The following CACNG4 variants were observed in gnomAD, a reference collection of about 807,000 sequenced individuals.
CACNG4 encodes calcium voltage-gated channel auxiliary subunit gamma 4.
A neutral mutation model predicts 22.9 loss-of-function variants in CACNG4; 8 were observed. The observed-to-expected ratio is 0.35, with a 90% CI of 0.21 to 0.63. The LOEUF (loss-of-function observed/expected upper bound fraction) is 0.63. CACNG4 is among the 30% of genes least tolerant of loss of function. The pLI is 0.72. For missense variants in CACNG4, 357 were observed against 455.4 expected (o/e 0.78, Z 1.97); for synonymous variants, 188 against 191.9 (o/e 0.98, Z 0.17).
At position 67,030,479 on chromosome 17, in the gene CACNG4, C is replaced by A; in HGVS notation, c.459C>A (p.Ile153=). The A allele has an allele frequency of 2.5e-6, 4 of 1,613,692 alleles. No homozygotes were observed. Among genetic ancestry groups the A allele is most frequent in the Non-Finnish European group, 2.5e-6 (3 of 1,179,730 alleles). ...ILFVAAGLSN[I]IGIIVYISSN... ...CTTCCCTTTCAGGCCTCAGTAACAT[C>A]ATCGGTATCATCGTCTACATTTCCA... The change falls in exon 4 of 4, where the codon ATC becomes ATA. Residue 153 remains isoleucine, a synonymous_variant. Transcript: ENST00000262138. This position sits in a 1 kb window ranked among gnomAD's most constrained non-coding sequence, Gnocchi z 6.4.
chr17:66,967,919 A>G (rs1303913206), intron 1 of CACNG4, among the ~76,000 whole-genome samples: 1 of 152,196 alleles, frequency 6.6e-6, no homozygotes, highest in East Asian at 1.9e-4. Context: ...TGTTGCTCCC[A>G]GCTTCACAGG....
intron 1 of CACNG4, among the ~76,000 whole-genome samples, chr17:66,973,764 G>T (rs2035219081): frequency 6.6e-6 from 1 of 152,106 alleles, no homozygotes. Context: ...CATGGGCTTG[G>T]TCTCCTGGGA....
At chr17:66,975,663 G>A (rs1159777684) in intron 1 of CACNG4, among the ~76,000 whole-genome samples, 1 of 152,066 alleles carries the variant, frequency 6.6e-6, no homozygotes, top group Non-Finnish European at 1.5e-5. Context: ...CCCAAATTTT[G>A]TAAGCTGCCC....
At chr17:67,007,536 TC>T (rs1008153716) in intron 1 of CACNG4, among the ~76,000 whole-genome samples, 3 of 152,056 alleles carry the variant, frequency 2.0e-5, no homozygotes, top group African/African-American at 7.2e-5. Flanking sequence ...TAAAAATATT[TC>T]CCCCATTTTC....
rs554791710 is a variant in CACNG4, at chr17:66,982,131, T to C, written c.220+17000T>C. ...ACGGACCCAAAGAGTGAGCAGCAGCTAGATTTACTGTGAAGAGTGAAAGAA... is the reference window on the plus strand; with the variant it reads ...ACGGACCCAAAGAGTGAGCAGCAGCCAGATTTACTGTGAAGAGTGAAAGAA... On this transcript the variant is annotated intron_variant, in intron 1 of 3. Coordinates refer to ENST00000262138, the MANE Select transcript of CACNG4 (RefSeq NM_014405.4). Among the ~76,000 whole-genome samples, 10 of 152,300 alleles carry C rather than the reference T, an allele frequency of 6.6e-5. No individual in the cohort carries two copies. The South Asian group carries it at 2.1e-3, about 32-fold the overall frequency.
In CACNG4 at chr17:67,018,071, C is replaced by T. The variant is rs1456760891; in HGVS notation, c.221-118C>T. Reference sequence around the variant, plus strand: ...TGGAACGCTGGAGCCTGCCTTTCTTCTCTGTCTGTCCCCAGGACCTGCACA... The same window carrying T: ...TGGAACGCTGGAGCCTGCCTTTCTTTTCTGTCTGTCCCCAGGACCTGCACA... On this transcript the variant is annotated intron_variant, in intron 1 of 3. Coordinates refer to ENST00000262138, the MANE Select transcript of CACNG4 (RefSeq NM_014405.4). 6.8e-6 allele frequency: 5 copies of T among 739,380 alleles called. No individual in the cohort carries two copies. In the Admixed American group the frequency reaches 1.1e-4, roughly 16 times the overall value. 45.8% of individuals were successfully genotyped at this position (739,380 alleles called of 1,614,324 possible).
In CACNG4 at chr17:66,974,595, G is replaced by A. The variant is rs78230672; in HGVS notation, c.220+9464G>A. On this transcript the variant is annotated intron_variant, in intron 1 of 3. Coordinates refer to ENST00000262138, the MANE Select transcript of CACNG4 (RefSeq NM_014405.4). ...GCACATATCTATGGATGCCCCCCGC[G>A]CAGAGTGCTCGTTAGGGTACCTCTG... Among the ~76,000 whole-genome samples the A allele has an allele frequency of 6.0e-3, 919 of 152,290 alleles. 9 individuals are homozygous for A. Among genetic ancestry groups the A allele is most frequent in the African/African-American group, 0.021 (880 of 41,560 alleles).
At chr17:66,983,462 A>G (rs2035288370) in intron 1 of CACNG4, among the ~76,000 whole-genome samples, 1 of 152,130 alleles carries the variant, frequency 6.6e-6, no homozygotes, top group Admixed American at 6.5e-5. Context: ...ATGGGAAGAG[A>G]GCAGGACCCG....
At chr17:66,988,216 C>T (rs1009816531) in intron 1 of CACNG4, among the ~76,000 whole-genome samples, 2 of 152,138 alleles carry the variant, frequency 1.3e-5, no homozygotes, top group African/African-American at 4.8e-5. Context: ...CTGCCTGGAG[C>T]TCATCCTGTC....
intron 1 of CACNG4, among the ~76,000 whole-genome samples, chr17:66,999,330 C>T (rs2035393690): frequency 6.6e-6 from 1 of 152,096 alleles, no homozygotes; most frequent in Non-Finnish European, 1.5e-5. Flanking sequence ...GGAATAGCTC[C>T]CTGACCCCAG....
At chr17:66,976,437 A>AACTTCCACCCTCCTCCCTCC (rs1201626589) in intron 1 of CACNG4, among the ~76,000 whole-genome samples, 6 of 121,290 alleles carry the variant, frequency 4.9e-5, no homozygotes, top group Non-Finnish European at 1.0e-4. Flanking sequence ...CCCTCTCTCT[A>AACTTCCACCCTCCTCCCTCC]ACTTCCACCC....
chr17:67,009,629 A>G (rs1268649752), intron 1 of CACNG4, among the ~76,000 whole-genome samples: 1 of 152,190 alleles, frequency 6.6e-6, no homozygotes. Flanking sequence ...GGCTTACAAT[A>G]CAACAGAAAT....
Position 67,024,903 on chromosome 17 carries a change from C to A in CACNG4, c.348C>A (p.Ile116=). 1.9e-6 allele frequency: 3 copies of A among 1,604,376 alleles called. No individual in the cohort carries two copies. The highest frequency in any genetic ancestry group is 2.5e-6 in the Non-Finnish European group (3 of 1,176,970). ...ASSVFPILST[I]LLLLGGLCIG... ...GCGTCTTCCCCATCCTCAGCACCAT[C>A]CTGCTCCTGCTGGGTGGCCTGTGCA... The change falls in exon 3 of 4, where the codon ATC becomes ATA. Residue 116 remains isoleucine (I), a synonymous_variant. Transcript: ENST00000262138.
intron 1 of CACNG4, among the ~76,000 whole-genome samples, chr17:66,993,007 G>A (rs1009227864): frequency 1.3e-5 from 2 of 152,236 alleles, no homozygotes; most frequent in Non-Finnish European, 2.9e-5. Context: ...TGCACCTAGC[G>A]TGCGCTGTGT....
chr17:67,008,537 TG>T (rs2035450389), intron 1 of CACNG4, among the ~76,000 whole-genome samples: 1 of 152,144 alleles, frequency 6.6e-6, no homozygotes, highest in South Asian at 2.1e-4. Context: ...CACTGGCTGG[TG>T]GGCCTGACCG....
intron 2 of CACNG4, chr17:67,020,219 C>G (rs1045382895): frequency 1.3e-5 from 2 of 152,292 alleles, no homozygotes; most frequent in Non-Finnish European, 2.9e-5. Flanking sequence ...GGCGGAAGCC[C>G]GAGGATTTGG....
intron 1 of CACNG4, among the ~76,000 whole-genome samples, chr17:66,967,354 G>A (rs2035176956): frequency 1.3e-5 from 2 of 152,190 alleles, no homozygotes; most frequent in African/African-American, 4.8e-5. Context: ...GTGGGACCCA[G>A]GGCTGGGAGA....
intron 1 of CACNG4, among the ~76,000 whole-genome samples, chr17:66,970,193 C>A (rs186653031): frequency 5.3e-5 from 8 of 152,210 alleles, no homozygotes; most frequent in Non-Finnish European, 1.2e-4. Context: ...AGTATTGCAT[C>A]TCACTCCCCG....
chr17:67,031,537 C>T lies in CACNG4; in HGVS notation c.*533C>T, dbSNP rs750278676. Reference sequence around the variant, plus strand: ...AAGCTCACTCCCTTCCTCTCCATCTCTCCCTCTCTCCAAGACTCTGGCAGT... The same window carrying T: ...AAGCTCACTCCCTTCCTCTCCATCTTTCCCTCTCTCCAAGACTCTGGCAGT... On this transcript the variant is annotated 3_prime_UTR_variant, in exon 4 of 4. Coordinates refer to ENST00000262138, the MANE Select transcript of CACNG4 (RefSeq NM_014405.4). This position sits in a 1 kb window ranked among gnomAD's most constrained non-coding sequence, Gnocchi z 4.0. 7.0e-5 allele frequency: 32 copies of T among 456,978 alleles called. No individual in the cohort carries two copies. The highest frequency in any genetic ancestry group is 1.1e-4 in the Non-Finnish European group (25 of 227,094). 28.3% of individuals were successfully genotyped at this position (456,978 alleles called of 1,614,324 possible).
Sources: gnomAD v4.1 joint callset for allele counts (sites outside exome capture counted in the v4.1 genomes callset) on GRCh38, gnomAD v4.1.1 for gene constraint, Gnocchi (gnomAD v3.1) non-coding constraint, MANE v1.5 for transcripts, NCBI Gene and HGNC (gene_info 2026-07-23, HGNC 2026-07-21) for gene names.